Variants in DACH2 observed in about 807,000 individuals in gnomAD.
DACH2 encodes the protein dachshund homolog 2.
DACH2 carries 17 observed loss-of-function variants against 35.8 expected under a neutral mutation model. The ratio of observed to expected loss-of-function variants is 0.48; its 90% CI spans 0.33 to 0.71. DACH2 has a LOEUF of 0.71. Among genes scored for constraint, DACH2 ranks in the 30% least tolerant of loss-of-function variants. The pLI is 0.02. For missense variants in DACH2, 469 were observed against 472.7 expected (o/e 0.99, Z 0.07); for synonymous variants, 195 against 177.3 (o/e 1.10, Z -0.79).
chrX:86,597,432 G>C (rs1602683955), intron 3 of DACH2, among the ~76,000 whole-genome samples: 1 of 111,206 alleles, frequency 9.0e-6, no homozygotes, highest in African/African-American at 3.3e-5. Flanking sequence ...TCATCCTTTG[G>C]TTATTTAGAA....
rs147301595 is a variant in DACH2 at position 86,581,955 on chromosome X, A to T, written c.640+67564A>T. The stretch of plus-strand genomic sequence containing the variant: ...TATGGCACAGACTCTAAAATTGACC[A>T]TAAAATCTGGCATAAAACAATTCTC... On this transcript the variant is annotated intron_variant, in intron 3 of 11. Transcript: ENST00000373125. Among the ~76,000 whole-genome samples, 65 of 112,043 alleles carry T rather than the reference A, an allele frequency of 5.8e-4. No homozygotes were observed. In the East Asian group the frequency reaches 0.018, roughly 31 times the overall value.
intron 2 of DACH2, among the ~76,000 whole-genome samples, chrX:86,459,103 A>G (rs1347250118): frequency 8.9e-6 from 1 of 111,973 alleles, no homozygotes; most frequent in Non-Finnish European, 1.9e-5. Flanking sequence ...ACAACAAATA[A>G]TTTGTTTCAA....
At chrX:86,326,399 G>A (rs977799712) in intron 1 of DACH2, among the ~76,000 whole-genome samples, 11 of 108,882 alleles carry the variant, frequency 1.0e-4, no homozygotes, top group South Asian at 4.0e-4. Context: ...CCCAGGAGGC[G>A]GAGGTTGTAG....
chrX:86,820,515 G>A (rs1169286588), intron 11 of DACH2, among the ~76,000 whole-genome samples: 1 of 109,074 alleles, frequency 9.2e-6, no homozygotes, highest in Non-Finnish European at 1.9e-5. Context: ...CTTATTAAGA[G>A]TACAGACTGG....
chrX:86,815,630 CAT>C (rs899530573), intron 10 of DACH2, among the ~76,000 whole-genome samples: 7 of 103,048 alleles, frequency 6.8e-5, no homozygotes, highest in Non-Finnish European at 1.2e-4. Context: ...TATATATACA[CAT>C]ATATATAAAT....
chrX:86,278,366 A>G (rs1367877641), intron 1 of DACH2, among the ~76,000 whole-genome samples: 1 of 111,670 alleles, frequency 9.0e-6, no homozygotes, highest in Non-Finnish European at 1.9e-5. Flanking sequence ...CCAACTGACT[A>G]CCACTTCTTC....
chrX:86,670,721 A>T (rs894001061), intron 4 of DACH2, among the ~76,000 whole-genome samples: 1 of 112,010 alleles, frequency 8.9e-6, no homozygotes, highest in Admixed American at 9.5e-5. Context: ...TGTTAATCTC[A>T]GGTTTCCCTA....
intron 3 of DACH2, among the ~76,000 whole-genome samples, chrX:86,643,681 C>T (rs939576327): frequency 9.0e-6 from 1 of 111,111 alleles, no homozygotes; most frequent in Non-Finnish European, 1.9e-5. Flanking sequence ...AGGTGAATAT[C>T]CTTGATGAAT....
chrX:86,602,124 T>C (rs1439931550), intron 3 of DACH2, among the ~76,000 whole-genome samples: 1 of 112,361 alleles, frequency 8.9e-6, no homozygotes, highest in African/African-American at 3.2e-5. Flanking sequence ...ATTTATGTTA[T>C]AAATAGCTTC....
At chrX:86,438,398 G>A (rs918623131) in intron 2 of DACH2, among the ~76,000 whole-genome samples, 19 of 109,697 alleles carry the variant, frequency 1.7e-4, no homozygotes, top group African/African-American at 5.7e-4. Flanking sequence ...TAATTTTTTT[G>A]TATTTTTAGT....
intron 11 of DACH2, among the ~76,000 whole-genome samples, chrX:86,823,945 G>A (rs886595181): frequency 1.8e-5 from 2 of 111,597 alleles, no homozygotes; most frequent in Non-Finnish European, 3.8e-5. Flanking sequence ...TCCTGATAAG[G>A]GCCCAACAAA....
At chrX:86,579,757 A>G (rs1188848355) in intron 3 of DACH2, among the ~76,000 whole-genome samples, 1 of 112,485 alleles carries the variant, frequency 8.9e-6, no homozygotes, top group Non-Finnish European at 1.9e-5. Context: ...AGGTTTAGGT[A>G]GATGTTCCTG....
chrX:86,238,379 T>A (rs1199817553), intron 1 of DACH2, among the ~76,000 whole-genome samples: 1 of 112,039 alleles, frequency 8.9e-6, no homozygotes, highest in Non-Finnish European at 1.9e-5. Flanking sequence ...TGGAAGGCCT[T>A]CAAATATTTT....
chrX:86,417,089 C>CAAAAAAA (rs386417185), intron 2 of DACH2, among the ~76,000 whole-genome samples: 1 of 23,035 alleles, frequency 4.3e-5, no homozygotes, highest in African/African-American at 2.0e-4. Context: ...GACTCCATCT[C>CAAAAAAA]AAAAAAAAAA....
chrX:86,668,991 T>G (rs1354651089), intron 4 of DACH2, among the ~76,000 whole-genome samples: 4 of 111,722 alleles, frequency 3.6e-5, no homozygotes, highest in African/African-American at 1.3e-4. Flanking sequence ...ATAAAAATTT[T>G]ATATTCAAAC....
Position 86,705,862 on chromosome X carries a change from GTAGA to G in DACH2, c.932-8683_932-8680del, listed in dbSNP as rs1246422818. ...GACCTAAGTGTTCATCAACTGATGA[GTAGA>G]TAAAGATAACGTGTTATATGTATAC... On this transcript the variant is annotated intron_variant, in intron 5 of 11. Coordinates refer to ENST00000373125, the MANE Select transcript of DACH2 (RefSeq NM_053281.3). Among the ~76,000 whole-genome samples, 4 of 111,832 alleles carry G rather than the reference GTAGA, an allele frequency of 3.6e-5. No individual in the cohort carries two copies. In the Admixed American group the frequency reaches 3.8e-4, roughly 11 times the overall value.
At chrX:86,364,313 G>T (rs1259900856) in intron 1 of DACH2, among the ~76,000 whole-genome samples, 1 of 111,224 alleles carries the variant, frequency 9.0e-6, no homozygotes, top group Admixed American at 9.7e-5. Flanking sequence ...TTAAGGGAAG[G>T]CATTCACAGA....
intron 3 of DACH2, among the ~76,000 whole-genome samples, chrX:86,538,021 G>A (rs2038827714): frequency 9.1e-6 from 1 of 110,206 alleles, no homozygotes; most frequent in Non-Finnish European, 1.9e-5. Flanking sequence ...CTATAAAATG[G>A]CCCTACCCCT....
intron 7 of DACH2, among the ~76,000 whole-genome samples, chrX:86,762,231 A>G (rs946570985): frequency 2.7e-5 from 3 of 111,694 alleles, no homozygotes; most frequent in African/African-American, 9.8e-5. Flanking sequence ...TGCCTAGGTC[A>G]GTTCATTAAC....
Sources: gnomAD v4.1 joint callset for allele counts (sites outside exome capture counted in the v4.1 genomes callset) on GRCh38, gnomAD v4.1.1 for gene constraint, MANE v1.5 for transcripts, NCBI Gene and HGNC (gene_info 2026-07-23, HGNC 2026-07-21) for gene names.